PIN1: variants seen among roughly 807,000 people sequenced by gnomAD.
PIN1 encodes the protein peptidylprolyl cis/trans isomerase, NIMA-interacting 1.
A neutral mutation model predicts 19.9 loss-of-function variants in PIN1; 8 were observed. The ratio of observed to expected loss-of-function variants is 0.40; its 90% CI spans 0.24 to 0.72. The LOEUF (loss-of-function observed/expected upper bound fraction) is 0.72, where lower values mean the gene tolerates loss of function less well. Ranked by LOEUF, PIN1 falls within the 30% of genes least tolerant of loss-of-function variation. The probability of loss-of-function intolerance (pLI) is 0.37; values close to 1 mark genes in which losing one functional copy is unlikely to be tolerated. For missense variants in PIN1, 185 were observed against 226.5 expected (o/e 0.82, Z 1.18); for synonymous variants, 86 against 90.8 (o/e 0.95, Z 0.30).
chr19:9,840,915 T>A (rs1298943130), intron 2 of PIN1, among the ~76,000 whole-genome samples: 2 of 152,196 alleles, frequency 1.3e-5, no homozygotes, highest in African/African-American at 4.8e-5. Context: ...TTTTCATTTA[T>A]AAAATTAGTA....
chr19:9,846,868 C>T lies in PIN1; in HGVS notation c.272-1162C>T, dbSNP rs1011449023. 2.0e-5 allele frequency among the ~76,000 whole-genome samples: 3 copies of T among 152,124 alleles called. No homozygotes were observed. The highest frequency in any genetic ancestry group is 4.8e-5 in the African/African-American group (2 of 41,420). On this transcript the variant is annotated intron_variant, in intron 2 of 3. Transcript: ENST00000247970. This position sits in a 1 kb window ranked among gnomAD's most constrained non-coding sequence, Gnocchi z 5.9. The stretch of plus-strand genomic sequence containing the variant: ...ACTGAGTGTGTCAGGGTGACCTTCA[C>T]GTTGGAGAGAAGAACTGGTGTCCCT...
rs1306849844 is a variant in PIN1 at position 9,848,184 on chromosome 19, C to T, written c.382+44C>T. 3.3e-6 allele frequency: 4 copies of T among 1,195,522 alleles called. No individual in the cohort carries two copies. The South Asian group carries it at 4.9e-5, about 15-fold the overall frequency. The allele number at this position is 1,195,522 out of a possible 1,614,324, so 74.1% of individuals were successfully genotyped here. A position where few individuals can be genotyped will look rare whatever the true frequency, so the allele number is the denominator to read the frequency against. The stretch of plus-strand genomic sequence containing the variant: ...TCACCAGGTTGGGGGACCCTTACCA[C>T]CCTGAGGGGTAGAGGCCAGGAGGGT... On this transcript the variant is annotated intron_variant, in intron 3 of 3. Transcript: ENST00000247970.
At chr19:9,847,809 G>A (rs1271834634) in intron 2 of PIN1, among the ~76,000 whole-genome samples, 2 of 152,118 alleles carry the variant, frequency 1.3e-5, no homozygotes, top group African/African-American at 2.4e-5. Context: ...GCTCATGCTC[G>A]TGAAAGGCAC....
Position 9,846,946 on chromosome 19 carries a change from A to G in PIN1, c.272-1084A>G, listed in dbSNP as rs1599454911. ...CACGGGGCGGGTGCAGTTCACCCAG[A>G]GGGCTGCCCTGGCTTGCTGGGGCTG... On this transcript the variant is annotated intron_variant, in intron 2 of 3. Coordinates refer to ENST00000247970, the MANE Select transcript of PIN1 (RefSeq NM_006221.4). The surrounding 1 kb of genome is among the most constrained non-coding windows in gnomAD (Gnocchi z 5.9). Among the ~76,000 whole-genome samples the G allele has an allele frequency of 6.6e-6, 1 of 152,174 alleles. No individual in the cohort carries two copies. The highest frequency in any genetic ancestry group is 1.9e-4 in the East Asian group (1 of 5,172).
intron 2 of PIN1, among the ~76,000 whole-genome samples, chr19:9,842,426 G>T (rs905859653): frequency 2.0e-5 from 3 of 152,192 alleles, no homozygotes; most frequent in African/African-American, 7.2e-5. Context: ...AGGAGCTATG[G>T]GCTCAGTGGC....
intron 2 of PIN1, among the ~76,000 whole-genome samples, chr19:9,840,596 A>G (rs976818577): frequency 6.6e-6 from 1 of 152,020 alleles, no homozygotes; most frequent in Non-Finnish European, 1.5e-5. Flanking sequence ...TCTGGGCTTC[A>G]ATCTTTTTCT....
chr19:9,835,707 G>T, intron 1 of PIN1: 1 of 418,312 alleles, frequency 2.4e-6, no homozygotes, highest in Non-Finnish European at 4.2e-6. Flanking sequence ...TGACACCCCG[G>T]GGGACGTCTC....
chr19:9,848,978 T>A, intron 3 of PIN1, 112 bp from the exon 4 acceptor site: 1 of 698,824 alleles, frequency 1.4e-6, no homozygotes, highest in South Asian at 1.5e-5. Context: ...TGGACGAGTG[T>A]GAGGCTCAGC....
At position 9,844,350 on chromosome 19, in the gene PIN1, A is replaced by C. The variant is rs979103960; in HGVS notation, c.272-3680A>C. Among the ~76,000 whole-genome samples, 9 of 152,314 alleles carry C rather than the reference A, an allele frequency of 5.9e-5. No homozygotes were observed. The East Asian group carries it at 1.7e-3, about 29-fold the overall frequency. On this transcript the variant is annotated intron_variant, in intron 2 of 3. Transcript: ENST00000247970. ...TACAGGCCAGTTGAGTGAGGCTCCA[A>C]GAGGTAAAGTCACCTGCCAGACTCT...
chr19:9,838,779 G>C lies in PIN1; in HGVS notation c.271+131G>C. The C allele has an allele frequency of 1.5e-6, 1 of 673,782 alleles. No homozygotes were observed. The highest frequency in any genetic ancestry group is 1.8e-5 in the South Asian group (1 of 54,586). The allele number at this position is 673,782 out of a possible 1,614,324, so 41.7% of individuals were successfully genotyped here. Reference sequence around the variant, plus strand: ...GGTGTTGGCCAACACAAAAACGCCAGTGCATGACCTGACCCTGACCTTCAC... The same window carrying C: ...GGTGTTGGCCAACACAAAAACGCCACTGCATGACCTGACCCTGACCTTCAC... On this transcript the variant is annotated intron_variant, in intron 2 of 3. Coordinates refer to ENST00000247970, the MANE Select transcript of PIN1 (RefSeq NM_006221.4). The surrounding 1 kb of genome is among the most constrained non-coding windows in gnomAD (Gnocchi z 5.8).
At chr19:9,836,309 AC>A (rs1327448511) in intron 1 of PIN1, 1 of 154,968 alleles carries the variant, frequency 6.5e-6, no homozygotes, top group Non-Finnish European at 1.4e-5. Flanking sequence ...CTCCTCATTA[AC>A]CCCATGAGGT....
chr19:9,838,187 C>A lies in PIN1; in HGVS notation c.59-249C>A, dbSNP rs938160880. On this transcript the variant is annotated intron_variant, in intron 1 of 3. Transcript: ENST00000247970. This position sits in a 1 kb window ranked among gnomAD's most constrained non-coding sequence, Gnocchi z 5.8. The stretch of plus-strand genomic sequence containing the variant: ...GAAGTTATCAGGGATTGATACTATC[C>A]TGTGTTTCATTTGCTTGTTTAGCAC... The A allele has an allele frequency of 3.5e-6, 2 of 573,516 alleles. No homozygotes were observed. The highest frequency in any genetic ancestry group is 6.3e-6 in the Non-Finnish European group (2 of 318,202). 35.5% of individuals were successfully genotyped at this position (573,516 alleles called of 1,614,324 possible).
intron 2 of PIN1, among the ~76,000 whole-genome samples, chr19:9,843,637 C>T (rs1002127839): frequency 4.6e-5 from 7 of 152,188 alleles, no homozygotes; most frequent in African/African-American, 4.8e-5. Flanking sequence ...CTGTTCCTGG[C>T]GAGAACCCAC....
chr19:9,842,695 G>A (rs1415218902), intron 2 of PIN1, among the ~76,000 whole-genome samples: 1 of 152,230 alleles, frequency 6.6e-6, no homozygotes, highest in Admixed American at 6.5e-5. Context: ...TCGATAGGAG[G>A]ATGCAGTGAG....
rs2046225137 is a variant in PIN1, at chr19:9,846,886, G to A, written c.272-1144G>A. On this transcript the variant is annotated intron_variant, in intron 2 of 3. Coordinates refer to ENST00000247970, the MANE Select transcript of PIN1 (RefSeq NM_006221.4). The surrounding 1 kb of genome is among the most constrained non-coding windows in gnomAD (Gnocchi z 5.9). ...ACCTTCACGTTGGAGAGAAGAACTG[G>A]TGTCCCTGGAGAGTGGCTGCCAGGC... Among the ~76,000 whole-genome samples, 1 of 152,090 alleles carries A rather than the reference G, an allele frequency of 6.6e-6. No homozygotes were observed.
chr19:9,841,057 G>A (rs1167620240), intron 2 of PIN1, among the ~76,000 whole-genome samples: 2 of 152,168 alleles, frequency 1.3e-5, no homozygotes, highest in East Asian at 3.8e-4. Context: ...GCTGTTGTTG[G>A]TTGTGGTAGC....
In PIN1 at chr19:9,849,334, C is replaced by T; in HGVS notation, c.*135C>T. Reference sequence around the variant, plus strand: ...ACAGTATTTATTGTTCCCACAATGGCTGGGAGGGGGCCCTTCCAGATTGGG... The same window carrying T: ...ACAGTATTTATTGTTCCCACAATGGTTGGGAGGGGGCCCTTCCAGATTGGG... On this transcript the variant is annotated 3_prime_UTR_variant, in exon 4 of 4. Coordinates refer to ENST00000247970, the MANE Select transcript of PIN1 (RefSeq NM_006221.4). 2.7e-6 allele frequency: 2 copies of T among 736,024 alleles called. No homozygotes were observed. The highest frequency in any genetic ancestry group is 4.8e-6 in the Non-Finnish European group (2 of 414,154). The allele number at this position is 736,024 out of a possible 1,614,324, so 45.6% of individuals were successfully genotyped here.
At position 9,848,160 on chromosome 19, in the gene PIN1, C is replaced by T. The variant is rs1171908638; in HGVS notation, c.382+20C>T. The T allele has an allele frequency of 1.4e-6, 2 of 1,468,832 alleles. No individual in the cohort carries two copies. The highest frequency in any genetic ancestry group is 1.9e-6 in the Non-Finnish European group (2 of 1,047,644). 91.0% of individuals were successfully genotyped at this position (1,468,832 alleles called of 1,614,324 possible). On this transcript the variant is annotated intron_variant, in intron 3 of 3. Coordinates refer to ENST00000247970, the MANE Select transcript of PIN1 (RefSeq NM_006221.4). ...GCAGAGGTGCGCAAGGAATGGGCCT[C>T]ACCAGGTTGGGGGACCCTTACCACC...
intron 1 of PIN1, 94 bp downstream of exon 1, chr19:9,835,496 C>G: frequency 1.2e-6 from 1 of 856,646 alleles, no homozygotes; most frequent in Non-Finnish European, 1.6e-6. Context: ...CGCTGCCTCC[C>G]TCCCATGGGG....
Sources: gnomAD v4.1 joint callset for allele counts (sites outside exome capture counted in the v4.1 genomes callset) on GRCh38, gnomAD v4.1.1 for gene constraint, Gnocchi (gnomAD v3.1) non-coding constraint, MANE v1.5 for transcripts, NCBI Gene and HGNC (gene_info 2026-07-23, HGNC 2026-07-21) for gene names.